The following RCOR1 variants were observed in gnomAD, a reference collection of about 807,000 sequenced individuals.
The protein encoded by RCOR1 is REST corepressor.
A neutral mutation model predicts 64.0 loss-of-function variants in RCOR1; 12 were observed. The observed-to-expected ratio is 0.19, with a 90% CI of 0.12 to 0.30. The LOEUF (loss-of-function observed/expected upper bound fraction) is 0.30. Ranked by LOEUF, RCOR1 falls within the 10% of genes least tolerant of loss-of-function variation. The pLI is 1.00. For missense variants in RCOR1, 502 were observed against 621.2 expected, an observed-to-expected ratio of 0.81 and a Z score of 2.04; for synonymous variants, 279 against 227.2, an observed-to-expected ratio of 1.23 and a Z score of -2.05.
chr14:102,706,136 A>AAAAAAAAAAAAAC (rs1567442106), intron 4 of RCOR1, among the ~76,000 whole-genome samples: 1 of 148,980 alleles, frequency 6.7e-6, no homozygotes, highest in African/African-American at 2.5e-5. Context: ...AAAAAAAAAA[A>AAAAAAAAAAAAAC]AAAAAACCTA....
chr14:102,646,601 A>G (rs1894482225), intron 2 of RCOR1, among the ~76,000 whole-genome samples: 1 of 152,250 alleles, frequency 6.6e-6, no homozygotes, highest in African/African-American at 2.4e-5. Context: ...AGACAAAAAG[A>G]GAAAGACAAT....
chr14:102,605,997 C>T (rs1166011522), intron 2 of RCOR1, among the ~76,000 whole-genome samples: 1 of 152,142 alleles, frequency 6.6e-6, no homozygotes, highest in African/African-American at 2.4e-5. Context: ...ATGATCTCGG[C>T]TCACTGCAAC....
intron 2 of RCOR1, among the ~76,000 whole-genome samples, chr14:102,610,022 C>T (rs963122851): frequency 1.3e-5 from 2 of 151,632 alleles, no homozygotes; most frequent in African/African-American, 2.4e-5. Flanking sequence ...TCCAGCTACT[C>T]GGGAGGCTGA....
At chr14:102,605,336 A>G (rs1413293967) in intron 2 of RCOR1, among the ~76,000 whole-genome samples, 2 of 152,192 alleles carry the variant, frequency 1.3e-5, no homozygotes, top group African/African-American at 4.8e-5. Flanking sequence ...TCATCTTCAC[A>G]ACTTAGAATA....
chr14:102,625,722 G>A (rs1893967214), intron 2 of RCOR1, among the ~76,000 whole-genome samples: 1 of 152,090 alleles, frequency 6.6e-6, no homozygotes, highest in South Asian at 2.1e-4. Context: ...ACTTTTTCCA[G>A]TTGTTCTGTA....
intron 2 of RCOR1, among the ~76,000 whole-genome samples, chr14:102,680,956 C>T (rs1595227595): frequency 6.6e-6 from 1 of 152,100 alleles, no homozygotes; most frequent in Non-Finnish European, 1.5e-5. Context: ...TATTCTGTTA[C>T]GGTTCTTTAA....
chr14:102,707,413 C>T lies in RCOR1; in HGVS notation c.561C>T (p.Asn187=). The T allele has an allele frequency of 2.5e-6, 4 of 1,613,682 alleles. No homozygotes were observed. Among genetic ancestry groups the T allele is most frequent in the Non-Finnish European group, 3.4e-6 (4 of 1,179,814 alleles). Residue 187 remains asparagine (N), a synonymous_variant, in exon 5 of 12, where the codon AAC becomes AAT. Transcript: ENST00000262241. Reference sequence around the variant, plus strand: ...AAAAGTCATTGGCTGATTTGCCCAACTTTACCCCTTTCCCAGATGAGTGGA... The same window carrying T: ...AAAAGTCATTGGCTGATTTGCCCAATTTTACCCCTTTCCCAGATGAGTGGA... ...NIEKSLADLP[N]FTPFPDEWTV...
At chr14:102,693,821 C>G (rs1371732734) in intron 3 of RCOR1, among the ~76,000 whole-genome samples, 1 of 151,990 alleles carries the variant, frequency 6.6e-6, no homozygotes, top group Non-Finnish European at 1.5e-5. Context: ...CCTGTTTCGT[C>G]TTTTATCTTT....
At chr14:102,614,391 AT>A (rs1186192835) in intron 2 of RCOR1, among the ~76,000 whole-genome samples, 3 of 149,930 alleles carry the variant, frequency 2.0e-5, no homozygotes, top group Non-Finnish European at 4.4e-5. Flanking sequence ...TGCCCGGCTA[AT>A]TTTTTGCATT....
intron 2 of RCOR1, among the ~76,000 whole-genome samples, chr14:102,602,706 CTCT>C (rs1893428862): frequency 6.6e-6 from 1 of 152,042 alleles, no homozygotes; most frequent in Non-Finnish European, 1.5e-5. Context: ...TGTGCCTGGC[CTCT>C]TCTTTCTTTT....
At chr14:102,706,141 A>AAAAAAAAAAAAAAAAAAAAAAC (rs1895853665) in intron 4 of RCOR1, among the ~76,000 whole-genome samples, 1 of 148,788 alleles carries the variant, frequency 6.7e-6, no homozygotes, top group Non-Finnish European at 1.5e-5. Context: ...AAAAAAAAAA[A>AAAAAAAAAAAAAAAAAAAAAAC]ACCTAAAAAA....
At chr14:102,677,337 T>C (rs1385411068) in intron 2 of RCOR1, among the ~76,000 whole-genome samples, 2 of 106,662 alleles carry the variant, frequency 1.9e-5, no homozygotes, top group African/African-American at 4.4e-5. Flanking sequence ...GGCAGGGGGC[T>C]GACCCCCCCC....
intron 3 of RCOR1, among the ~76,000 whole-genome samples, chr14:102,683,518 C>T (rs564569862): frequency 3.0e-4 from 46 of 152,356 alleles, no homozygotes; most frequent in East Asian, 1.2e-3. Context: ...GGCGCAGGTC[C>T]CCCCGATCCC....
intron 11 of RCOR1, among the ~76,000 whole-genome samples, chr14:102,723,134 A>C (rs1057128105): frequency 6.6e-6 from 1 of 152,260 alleles, no homozygotes. Flanking sequence ...GTTACTTGCC[A>C]ATCACTTTGC....
At chr14:102,615,330 C>T (rs758654653) in intron 2 of RCOR1, among the ~76,000 whole-genome samples, 39 of 150,812 alleles carry the variant, frequency 2.6e-4, no homozygotes, top group Non-Finnish European at 4.4e-4. Flanking sequence ...TTAGTAGAGA[C>T]GGGGTTTCAC....
At chr14:102,595,553 G>T (rs1178647345) in intron 2 of RCOR1, among the ~76,000 whole-genome samples, 2 of 151,916 alleles carry the variant, frequency 1.3e-5, no homozygotes, top group Admixed American at 6.6e-5. Context: ...CCAATTGGTT[G>T]AGTATTGATA....
At position 102,707,373 on chromosome 14, in the gene RCOR1, AT is replaced by A. The variant is rs1381035994; in HGVS notation, c.522del (p.His174GlnfsTer53). ...TAGGCTCTTGGGATGCTCTTCTGGC[AT>A]AAACATAATATCGAAAAGTCATTGG... ...MEQALGMLFWHKHNIEKSLAD... is the reference protein window; with the variant it reads ...MEQALGMLFWXKHNIEKSLAD... On this transcript the variant is annotated frameshift_variant, in exon 5 of 12. Coordinates refer to ENST00000262241, the MANE Select transcript of RCOR1 (RefSeq NM_015156.4). LOFTEE classifies it high-confidence loss of function. 1 of 1,610,368 alleles carries A rather than the reference AT, an allele frequency of 6.2e-7. No individual in the cohort carries two copies.
At chr14:102,640,634 T>C (rs1894348032) in intron 2 of RCOR1, among the ~76,000 whole-genome samples, 1 of 152,068 alleles carries the variant, frequency 6.6e-6, no homozygotes, top group South Asian at 2.1e-4. Context: ...CATAGCTCTT[T>C]TCTGCAGAGG....
chr14:102,627,667 A>C (rs1360199641), intron 2 of RCOR1, among the ~76,000 whole-genome samples: 4 of 151,716 alleles, frequency 2.6e-5, no homozygotes, highest in South Asian at 2.1e-4. Context: ...AAAAAAAAAA[A>C]AAAACACACA....
Sources: allele counts gnomAD v4.1 joint callset (sites outside exome capture counted in the v4.1 genomes callset), GRCh38; gene constraint gnomAD v4.1.1; transcripts MANE v1.5; gene names NCBI Gene and HGNC (gene_info 2026-07-23, HGNC 2026-07-21).